Variants in NKAIN3 observed in about 807,000 individuals in gnomAD.
The protein encoded by NKAIN3 is sodium/potassium-transporting ATPase subunit beta-1-interacting protein 3.
A neutral mutation model predicts 30.2 loss-of-function variants in NKAIN3; 25 were observed. That is an observed-to-expected ratio of 0.83 (90% CI 0.60 to 1.16). The LOEUF (loss-of-function observed/expected upper bound fraction) is 1.16. Ranked by LOEUF, NKAIN3 falls within the 50% of genes most tolerant of loss-of-function variation. The pLI, the probability that NKAIN3 is intolerant of heterozygous loss-of-function variation, is 0.00. For synonymous variants in NKAIN3, 91 were observed against 89.6 expected, an observed-to-expected ratio of 1.02 and a Z score of -0.09; for missense variants, 225 against 254.1, an observed-to-expected ratio of 0.89 and a Z score of 0.78.
At chr8:62,653,460 G>C (rs1812683707) in intron 3 of NKAIN3, among the ~76,000 whole-genome samples, 1 of 152,140 alleles carries the variant, frequency 6.6e-6, no homozygotes, top group Admixed American at 6.5e-5. Context: ...TGGGGGAGCA[G>C]AAGGGACACA....
At chr8:62,917,046 C>A (rs1054425161) in intron 4 of NKAIN3, among the ~76,000 whole-genome samples, 4 of 151,620 alleles carry the variant, frequency 2.6e-5, no homozygotes. Context: ...CACCATCCTT[C>A]TTCTGAGGTC....
At position 62,839,415 on chromosome 8, in the gene NKAIN3, GA is replaced by G. The variant is rs903996592; in HGVS notation, c.472-79030del. Among the ~76,000 whole-genome samples, 11 of 150,570 alleles carry G rather than the reference GA, an allele frequency of 7.3e-5. No individual in the cohort carries two copies. In the South Asian group the frequency reaches 1.3e-3, roughly 17 times the overall value. Reference sequence around the variant, plus strand: ...CTAAAAAGTCTCTTAAAAATTGGTAGAAAAAAAACAAAACATACCCGTATTT... The same window carrying G: ...CTAAAAAGTCTCTTAAAAATTGGTAGAAAAAAACAAAACATACCCGTATTT... On this transcript the variant is annotated intron_variant, in intron 4 of 6. Coordinates refer to ENST00000623646, the MANE Select transcript of NKAIN3 (RefSeq NM_001304533.3).
intron 1 of NKAIN3, among the ~76,000 whole-genome samples, chr8:62,283,979 C>T (rs1306614413): frequency 2.6e-5 from 4 of 152,046 alleles, no homozygotes; most frequent in Non-Finnish European, 2.9e-5. Flanking sequence ...ATTAAAGTGA[C>T]GTGTAAAAAT....
intron 1 of NKAIN3, among the ~76,000 whole-genome samples, chr8:62,567,868 T>C (rs1809807902): frequency 6.6e-6 from 1 of 152,098 alleles, no homozygotes; most frequent in South Asian, 2.1e-4. Context: ...AATAAAGTAA[T>C]ATAAGTTTTG....
At chr8:62,928,117 C>T (rs1822504711) in intron 5 of NKAIN3, among the ~76,000 whole-genome samples, 1 of 151,940 alleles carries the variant, frequency 6.6e-6, no homozygotes, top group African/African-American at 2.4e-5. Context: ...GAAACTGCCA[C>T]CTAAATGAGA....
At chr8:62,521,469 C>T (rs1323265370) in intron 1 of NKAIN3, among the ~76,000 whole-genome samples, 1 of 152,078 alleles carries the variant, frequency 6.6e-6, no homozygotes, top group African/African-American at 2.4e-5. Flanking sequence ...TTTCAATGGG[C>T]AGTAAATCCC....
At chr8:62,538,249 A>G (rs1808728857) in intron 1 of NKAIN3, among the ~76,000 whole-genome samples, 1 of 152,142 alleles carries the variant, frequency 6.6e-6, no homozygotes, top group South Asian at 2.1e-4. Context: ...ATCTTGGCTC[A>G]CTGCAGCATC....
intron 1 of NKAIN3, among the ~76,000 whole-genome samples, chr8:62,486,096 C>T (rs914591655): frequency 6.6e-6 from 1 of 152,032 alleles, no homozygotes; most frequent in Admixed American, 6.6e-5. Context: ...AGAATTAAAT[C>T]AATCAAGACC....
intron 1 of NKAIN3, among the ~76,000 whole-genome samples, chr8:62,302,930 T>C (rs1428555839): frequency 1.3e-5 from 2 of 150,290 alleles, no homozygotes; most frequent in Non-Finnish European, 2.9e-5. Context: ...TCCTCCCAGA[T>C]TGTGTCACCT....
intron 4 of NKAIN3, among the ~76,000 whole-genome samples, chr8:62,912,380 C>T (rs1269978409): frequency 6.6e-6 from 1 of 151,956 alleles, no homozygotes; most frequent in Non-Finnish European, 1.5e-5. Flanking sequence ...TACACTTAGG[C>T]TATACTACAT....
chr8:62,667,629 T>C (rs957425069), intron 3 of NKAIN3, among the ~76,000 whole-genome samples: 4 of 152,026 alleles, frequency 2.6e-5, no homozygotes, highest in Admixed American at 2.0e-4. Flanking sequence ...ACTCATCTGT[T>C]GCATTAGCCT....
chr8:62,383,811 A>T (rs1435712215), intron 1 of NKAIN3, among the ~76,000 whole-genome samples: 2 of 152,024 alleles, frequency 1.3e-5, no homozygotes, highest in African/African-American at 2.4e-5. Flanking sequence ...ACAAGAGAAT[A>T]TGTATTTTGC....
At chr8:62,485,577 C>T (rs911685160) in intron 1 of NKAIN3, among the ~76,000 whole-genome samples, 1 of 152,094 alleles carries the variant, frequency 6.6e-6, no homozygotes, top group African/African-American at 2.4e-5. Flanking sequence ...GAAGTTTGGA[C>T]TTTATTCTAT....
At chr8:62,751,445 T>A (rs575690007) in intron 4 of NKAIN3, among the ~76,000 whole-genome samples, 12 of 152,342 alleles carry the variant, frequency 7.9e-5, no homozygotes, top group African/African-American at 2.9e-4. Flanking sequence ...CTCTTTTTTA[T>A]TTATTTTTGT....
intron 1 of NKAIN3, among the ~76,000 whole-genome samples, chr8:62,413,297 A>G (rs887484683): frequency 6.6e-5 from 10 of 152,190 alleles, no homozygotes; most frequent in Non-Finnish European, 1.2e-4. Context: ...TGCTTTCTCC[A>G]GGGCTGGTGT....
rs546976775 is a variant in NKAIN3, at chr8:62,467,052, C to G, written c.55-112487C>G. 1.6e-4 allele frequency among the ~76,000 whole-genome samples: 25 copies of G among 152,248 alleles called. No homozygotes were observed. The South Asian group carries it at 5.2e-3, about 32-fold the overall frequency. Reference sequence around the variant, plus strand: ...ATAGGACCTGCCTCCGACCTCTCACCTCACTTCTTTTCCTGCTCTCCAGCT... The same window carrying G: ...ATAGGACCTGCCTCCGACCTCTCACGTCACTTCTTTTCCTGCTCTCCAGCT... On this transcript the variant is annotated intron_variant, in intron 1 of 6. Transcript: ENST00000623646.
intron 4 of NKAIN3, among the ~76,000 whole-genome samples, chr8:62,908,689 C>T (rs1211531202): frequency 1.3e-5 from 2 of 152,140 alleles, no homozygotes; most frequent in Non-Finnish European, 2.9e-5. Flanking sequence ...GACTTTTCCC[C>T]ACCTTTGCCT....
chr8:62,260,481 T>G (rs1812402913), intron 1 of NKAIN3, among the ~76,000 whole-genome samples: 1 of 152,204 alleles, frequency 6.6e-6, no homozygotes, highest in Non-Finnish European at 1.5e-5. Flanking sequence ...CTTCAAAAGG[T>G]CCTCAAGAAA....
At chr8:62,278,531 C>T (rs1048489956) in intron 1 of NKAIN3, among the ~76,000 whole-genome samples, 2 of 152,076 alleles carry the variant, frequency 1.3e-5, no homozygotes, top group Admixed American at 1.3e-4. Context: ...CTCCCCACTC[C>T]CCCGACCCCA....
Sources: gnomAD v4.1 joint callset for allele counts (sites outside exome capture counted in the v4.1 genomes callset) on GRCh38, gnomAD v4.1.1 for gene constraint, MANE v1.5 for transcripts, NCBI Gene and HGNC (gene_info 2026-07-23, HGNC 2026-07-21) for gene names.